Variants in FAXC observed in about 807,000 individuals in gnomAD.
The protein encoded by FAXC is failed axon connections homolog.
FAXC carries 10 observed loss-of-function variants against 41.9 expected under a neutral mutation model. That is an observed-to-expected ratio of 0.24 (90% confidence interval 0.15 to 0.41). The LOEUF (loss-of-function observed/expected upper bound fraction) is 0.41. Ranked by LOEUF, FAXC falls within the 10% of genes least tolerant of loss-of-function variation. FAXC has a pLI of 1.00. For missense variants in FAXC, 399 were observed against 510.9 expected, an observed-to-expected ratio of 0.78 and a Z score of 2.11; for synonymous variants, 183 against 183.8, an observed-to-expected ratio of 1.00 and a Z score of 0.03.
At chr6:99,334,865 C>T (rs907550724) in intron 2 of FAXC, among the ~76,000 whole-genome samples, 3 of 152,200 alleles carry the variant, frequency 2.0e-5, no homozygotes, top group African/African-American at 4.8e-5. Context: ...CCCACCTGCC[C>T]GGTCTCATTG....
intron 5 of FAXC, among the ~76,000 whole-genome samples, chr6:99,283,901 A>T (rs751406156): frequency 6.6e-5 from 10 of 152,216 alleles, no homozygotes; most frequent in Admixed American, 2.0e-4. Context: ...TATTCACAAG[A>T]TCCACAGGAT....
At position 99,281,082 on chromosome 6, in the gene FAXC, G is replaced by A. The variant is rs969486484; in HGVS notation, c.*82C>T. The A allele has an allele frequency of 6.7e-6, 5 of 741,494 alleles. No homozygotes were observed. Among genetic ancestry groups the A allele is most frequent in the Non-Finnish European group, 1.2e-5 (5 of 403,564 alleles). 45.9% of individuals were successfully genotyped at this position (741,494 alleles called of 1,614,324 possible). A position where few individuals can be genotyped will look rare whatever the true frequency, so the allele number is the denominator to read the frequency against. On this transcript the variant is annotated 3_prime_UTR_variant, in exon 6 of 6. Transcript: ENST00000389677. ...TGCCAAGCACGAAGATCTCCTCCCA[G>A]CTCGGATGGATTGCTACCTGGGAAA...
rs185449611 is a variant in FAXC at position 99,302,435 on chromosome 6, C to T, written c.824-10615G>A. Among the ~76,000 whole-genome samples the T allele has an allele frequency of 4.7e-3, 710 of 152,318 alleles. 7 individuals are homozygous for T. Among genetic ancestry groups the T allele is most frequent in the Non-Finnish European group, 6.2e-3 (423 of 68,032 alleles). On this transcript the variant is annotated intron_variant, in intron 4 of 5. Transcript: ENST00000389677. Reference sequence around the variant, plus strand: ...CTTTGGGAGGCCGAGATGGGCAGATCACTTGAGGTCAGGGGCTCAAGACCA... The same window carrying T: ...CTTTGGGAGGCCGAGATGGGCAGATTACTTGAGGTCAGGGGCTCAAGACCA...
Position 99,307,570 on chromosome 6 carries a change from G to A in FAXC, c.824-15750C>T, listed in dbSNP as rs144031698. 2.1e-3 allele frequency among the ~76,000 whole-genome samples: 324 copies of A among 152,278 alleles called. 1 individual carries two copies. The highest frequency in any genetic ancestry group is 7.5e-3 in the African/African-American group (312 of 41,548). Reference sequence around the variant, plus strand: ...GCAGCAGTGGGGAGGTCTGGAGGCAGGCAAAGATCAAGGGTGGGGTGTTGC... The same window carrying A: ...GCAGCAGTGGGGAGGTCTGGAGGCAAGCAAAGATCAAGGGTGGGGTGTTGC... On this transcript the variant is annotated intron_variant, in intron 4 of 5. Transcript: ENST00000389677.
At chr6:99,336,521 G>A (rs1271925907) in intron 2 of FAXC, among the ~76,000 whole-genome samples, 1 of 152,216 alleles carries the variant, frequency 6.6e-6, no homozygotes, top group Non-Finnish European at 1.5e-5. Flanking sequence ...ATTTTGAGAA[G>A]ATAAAGAGGT....
intron 3 of FAXC, among the ~76,000 whole-genome samples, chr6:99,330,883 A>C (rs1031072483): frequency 6.6e-6 from 1 of 152,314 alleles, no homozygotes; most frequent in African/African-American, 2.4e-5. Flanking sequence ...CCAGAAGAGC[A>C]GAGGATGGGA....
chr6:99,307,325 GA>G (rs1452264091), intron 4 of FAXC, among the ~76,000 whole-genome samples: 1 of 152,070 alleles, frequency 6.6e-6, no homozygotes, highest in Non-Finnish European at 1.5e-5. Context: ...AAAGATACGA[GA>G]CTTAAAGAGA....
rs922255455 is a variant in FAXC, at chr6:99,276,464, A to G, written c.*4700T>C. ...TTTGGGGGTGGTTAAAAGATAAATG[A>G]CAAGGACAACAACAAAATCCTATGA... On this transcript the variant is annotated 3_prime_UTR_variant, in exon 6 of 6. Transcript: ENST00000389677. 8 of 152,238 alleles carry G rather than the reference A, an allele frequency of 5.3e-5. No individual in the cohort carries two copies. The highest frequency in any genetic ancestry group is 1.9e-4 in the African/African-American group (8 of 41,462). 9.4% of individuals were successfully genotyped at this position (152,238 alleles called of 1,614,324 possible).
rs1027307775 is a variant in FAXC at position 99,280,953 on chromosome 6, T to C, written c.*211A>G. On this transcript the variant is annotated 3_prime_UTR_variant, in exon 6 of 6. Transcript: ENST00000389677. ...GATTTCAGGAACCATGCTGACATTA[T>C]TTTTTGCCTGTTTGTTTTCAATGGA... 3.8e-6 allele frequency: 2 copies of C among 519,568 alleles called. No homozygotes were observed. Among genetic ancestry groups the C allele is most frequent in the African/African-American group, 3.8e-5 (2 of 52,524 alleles). 32.2% of individuals were successfully genotyped at this position (519,568 alleles called of 1,614,324 possible).
chr6:99,347,360 C>T (rs1200284026), intron 1 of FAXC, among the ~76,000 whole-genome samples: 3 of 150,510 alleles, frequency 2.0e-5, no homozygotes, highest in Non-Finnish European at 4.4e-5. Context: ...TGAGATCGAG[C>T]CACTGCACTC....
chr6:99,308,519 T>C (rs1772023238), intron 4 of FAXC, among the ~76,000 whole-genome samples: 1 of 152,012 alleles, frequency 6.6e-6, no homozygotes, highest in Non-Finnish European at 1.5e-5. Flanking sequence ...TGCATAATCC[T>C]TCACCCAGTA....
chr6:99,320,175 T>C (rs764603031), intron 4 of FAXC, among the ~76,000 whole-genome samples: 4 of 152,182 alleles, frequency 2.6e-5, no homozygotes, highest in Non-Finnish European at 4.4e-5. Flanking sequence ...GTTCAGGAAC[T>C]AGTCTTTGAG....
chr6:99,318,351 TAG>T (rs1241403036), intron 4 of FAXC, among the ~76,000 whole-genome samples: 1 of 151,694 alleles, frequency 6.6e-6, no homozygotes, highest in Non-Finnish European at 1.5e-5. Context: ...TATGTATATA[TAG>T]ATGATTCAAA....
intron 3 of FAXC, among the ~76,000 whole-genome samples, chr6:99,329,515 C>G (rs776404290): frequency 6.6e-6 from 1 of 152,160 alleles, no homozygotes; most frequent in African/African-American, 2.4e-5. Context: ...GGGCTACATC[C>G]TTGCTGTCTT....
intron 5 of FAXC, among the ~76,000 whole-genome samples, chr6:99,289,689 ATGTGTGTGTGTGTG>A (rs58098982): frequency 3.4e-5 from 5 of 146,588 alleles, no homozygotes; most frequent in Non-Finnish European, 3.0e-5. Context: ...ACATATGTAT[ATGTGTGTGTGTGTG>A]TGTGTGTGTG....
chr6:99,314,324 AT>A (rs1335617189), intron 4 of FAXC, among the ~76,000 whole-genome samples: 1 of 151,986 alleles, frequency 6.6e-6, no homozygotes, highest in Admixed American at 6.6e-5. Context: ...GCCCAACTCT[AT>A]CACCATGCCT....
intron 3 of FAXC, among the ~76,000 whole-genome samples, chr6:99,327,085 T>C (rs957802281): frequency 2.6e-5 from 4 of 152,156 alleles, no homozygotes; most frequent in African/African-American, 9.7e-5. Flanking sequence ...AACTGTTTGG[T>C]CTCTCTCTCT....
intron 4 of FAXC, among the ~76,000 whole-genome samples, chr6:99,322,719 T>C (rs1355363995): frequency 6.6e-6 from 1 of 152,154 alleles, no homozygotes; most frequent in Non-Finnish European, 1.5e-5. Context: ...TCGCTATGAA[T>C]CAAGCTCTGC....
At chr6:99,334,621 A>G in intron 2 of FAXC, 3 of 980,950 alleles carry the variant, frequency 3.1e-6, no homozygotes, top group Non-Finnish European at 3.6e-6. Context: ...CATAGCCCCT[A>G]TTTCAGATTT....
Sources: allele counts gnomAD v4.1 joint callset (sites outside exome capture counted in the v4.1 genomes callset), GRCh38; gene constraint gnomAD v4.1.1; transcripts MANE v1.5; gene names NCBI Gene and HGNC (gene_info 2026-07-23, HGNC 2026-07-21).